The following DGKH variants were observed in gnomAD, a reference collection of about 807,000 sequenced individuals.
DGKH encodes the protein DAG kinase eta.
Under a neutral mutation model 159.3 loss-of-function variants are expected in DGKH, and 90 were observed. The observed-to-expected ratio is 0.57, with a 90% CI of 0.48 to 0.67. DGKH has a LOEUF of 0.67. Ranked by LOEUF, DGKH falls within the 30% of genes least tolerant of loss-of-function variation. The probability of loss-of-function intolerance (pLI) is 0.00; values close to 1 mark genes in which losing one functional copy is unlikely to be tolerated. For missense variants in DGKH, 1,181 were observed against 1,506.1 expected (o/e 0.78, Z 3.57); for synonymous variants, 536 against 553.8 (o/e 0.97, Z 0.45).
At chr13:42,134,586 T>C (rs1415403385) in intron 3 of DGKH, among the ~76,000 whole-genome samples, 1 of 152,150 alleles carries the variant, frequency 6.6e-6, no homozygotes, top group Non-Finnish European at 1.5e-5. Flanking sequence ...TAAATAGATA[T>C]GGGTTGGGCA....
At chr13:42,154,048 T>C (rs748404030) in intron 3 of DGKH, 15 of 152,230 alleles carry the variant, frequency 9.9e-5, no homozygotes, top group Non-Finnish European at 2.1e-4. Context: ...GTTTTGAATA[T>C]TGGACTTATT....
At chr13:42,113,202 G>GT (rs1179875537) in intron 1 of DGKH, among the ~76,000 whole-genome samples, 1 of 152,120 alleles carries the variant, frequency 6.6e-6, no homozygotes, top group East Asian at 1.9e-4. Flanking sequence ...AAAGTAAGTG[G>GT]TTACACTTAA....
intron 15 of DGKH, among the ~76,000 whole-genome samples, chr13:42,189,579 A>G (rs757254711): frequency 3.4e-4 from 51 of 152,206 alleles, no homozygotes; most frequent in Non-Finnish European, 6.3e-4. Context: ...AGTTTAAATG[A>G]CATTTAAAAA....
At chr13:42,136,099 A>G (rs9533007) in intron 3 of DGKH, among the ~76,000 whole-genome samples, 73,530 of 152,002 alleles carry the variant, frequency 0.48, 19,411 homozygotes, top group Admixed American at 0.67. Context: ...AAGAGTACCT[A>G]CCTCATAGGA....
At chr13:42,080,594 T>G (rs772102621) in intron 1 of DGKH, among the ~76,000 whole-genome samples, 14 of 152,216 alleles carry the variant, frequency 9.2e-5, no homozygotes, top group Non-Finnish European at 1.6e-4. Flanking sequence ...TCGAAGAGTT[T>G]TAGATTCGGA....
chr13:42,182,188 C>T (rs1279176089), intron 13 of DGKH, among the ~76,000 whole-genome samples: 1 of 152,260 alleles, frequency 6.6e-6, no homozygotes, highest in Non-Finnish European at 1.5e-5. Flanking sequence ...CTTTGACTTC[C>T]ATGTGCCATC....
chr13:42,207,256 C>T (rs1475898916), intron 21 of DGKH, among the ~76,000 whole-genome samples: 1 of 149,778 alleles, frequency 6.7e-6, no homozygotes, highest in African/African-American at 2.5e-5. Flanking sequence ...ATGGCGTAAT[C>T]TCAGCTCGCT....
At chr13:42,145,681 C>T (rs1286882719) in intron 3 of DGKH, among the ~76,000 whole-genome samples, 1 of 152,194 alleles carries the variant, frequency 6.6e-6, no homozygotes, top group Non-Finnish European at 1.5e-5. Context: ...ATCCAAACAC[C>T]AGGCAATGCC....
At chr13:42,194,834 T>C (rs1295515658) in intron 16 of DGKH, 51 bp from the exon 17 acceptor site, 4 of 1,566,710 alleles carry the variant, frequency 2.6e-6, no homozygotes, top group Non-Finnish European at 3.5e-6. Flanking sequence ...AACGTGCTTA[T>C]TTTTATAGCT....
chr13:42,083,277 C>T (rs529176343), intron 1 of DGKH, among the ~76,000 whole-genome samples: 2 of 152,136 alleles, frequency 1.3e-5, no homozygotes, highest in South Asian at 4.1e-4. Context: ...CTTCAAGGAA[C>T]TTGCAACTTA....
intron 13 of DGKH, among the ~76,000 whole-genome samples, chr13:42,186,351 A>C (rs1956929181): frequency 6.6e-6 from 1 of 152,216 alleles, no homozygotes; most frequent in African/African-American, 2.4e-5. Context: ...GCCTTTCAAA[A>C]GGCAGATTTT....
At chr13:42,151,533 A>ATATATATATATACACGTG (rs1555266603) in intron 3 of DGKH, among the ~76,000 whole-genome samples, 5 of 43,624 alleles carry the variant, frequency 1.1e-4, no homozygotes, top group African/African-American at 2.7e-4. Flanking sequence ...ATACACGTGT[A>ATATATATATATACACGTG]TATATATATA....
chr13:42,103,745 C>G (rs541080821), intron 1 of DGKH, among the ~76,000 whole-genome samples: 2 of 152,274 alleles, frequency 1.3e-5, no homozygotes, highest in Non-Finnish European at 2.9e-5. Flanking sequence ...TTAGTATGTA[C>G]TTGCTAAAGC....
At chr13:42,127,435 G>A (rs753684104) in intron 1 of DGKH, 28 bp from the exon 2 acceptor site, 16 of 1,506,678 alleles carry the variant, frequency 1.1e-5, no homozygotes, top group Middle Eastern at 1.7e-4. Context: ...CATTTTAATC[G>A]TGTCATTGTG....
Sources: gnomAD v4.1 joint callset for allele counts (sites outside exome capture counted in the v4.1 genomes callset) on GRCh38, gnomAD v4.1.1 for gene constraint, MANE v1.5 for transcripts, NCBI Gene and HGNC (gene_info 2026-07-23, HGNC 2026-07-21) for gene names.